Variants in RGS10 observed in about 807,000 individuals in gnomAD.
RGS10 encodes regulator of G protein signaling 10.
A neutral mutation model predicts 23.5 loss-of-function variants in RGS10; 11 were observed. The ratio of observed to expected loss-of-function variants is 0.47; its 90% CI spans 0.29 to 0.77. The LOEUF (loss-of-function observed/expected upper bound fraction) is 0.77, where lower values mean the gene tolerates loss of function less well. Ranked by LOEUF, RGS10 falls within the 30% of genes least tolerant of loss-of-function variation. The pLI is 0.08. For missense variants in RGS10, 180 were observed against 226.3 expected (o/e 0.80, Z 1.31); for synonymous variants, 77 against 83.2 (o/e 0.92, Z 0.41).
At chr10:119,511,843 T>C (rs1844079631) in intron 4 of RGS10, among the ~76,000 whole-genome samples, 1 of 152,110 alleles carries the variant, frequency 6.6e-6, no homozygotes, top group African/African-American at 2.4e-5. Flanking sequence ...GTCATTTCTG[T>C]GTCCTCCCTA....
intron 4 of RGS10, among the ~76,000 whole-genome samples, chr10:119,510,679 A>C (rs1252023956): frequency 6.6e-6 from 1 of 152,182 alleles, no homozygotes; most frequent in African/African-American, 2.4e-5. Context: ...AAACCAGCAG[A>C]CCAACAAGGA....
At chr10:119,514,921 C>G (rs1844124945) in intron 4 of RGS10, among the ~76,000 whole-genome samples, 1 of 152,174 alleles carries the variant, frequency 6.6e-6, no homozygotes, top group Non-Finnish European at 1.5e-5. Flanking sequence ...ATGCGTCCTT[C>G]CGACTGGCTC....
rs551272071 is a variant in RGS10, at chr10:119,538,144, AGAAG to A, written c.49+4442_49+4445del. Among the ~76,000 whole-genome samples the A allele has an allele frequency of 5.1e-4, 77 of 151,872 alleles. 1 individual carries two copies. The highest frequency in any genetic ancestry group is 1.6e-3 in the African/African-American group (66 of 41,484). On this transcript the variant is annotated intron_variant, in intron 1 of 4. Coordinates refer to ENST00000369103, the MANE Select transcript of RGS10 (RefSeq NM_001005339.2). This position sits in a 1 kb window ranked among gnomAD's most constrained non-coding sequence, Gnocchi z 4.5. ...AGGAAGGGAGGGAAGGAGGGAGGGA[AGAAG>A]GAAGGGAGGGAGGGAGTGGAGGAGA... is the stretch of plus-strand genomic sequence containing the variant.
intron 3 of RGS10, among the ~76,000 whole-genome samples, chr10:119,525,011 G>C (rs1166641017): frequency 6.6e-6 from 1 of 151,308 alleles, no homozygotes; most frequent in Non-Finnish European, 1.5e-5. Flanking sequence ...TCAAAAACTG[G>C]CAACGCGCAA....
chr10:119,539,243 G>A lies in RGS10; in HGVS notation c.49+3347C>T, dbSNP rs144205189. On this transcript the variant is annotated intron_variant, in intron 1 of 4. Coordinates refer to ENST00000369103, the MANE Select transcript of RGS10 (RefSeq NM_001005339.2). The stretch of plus-strand genomic sequence containing the variant: ...CAGCTGCCAAGGCTACCCTGCTGCC[G>A]AGTTGTTAAAACAAAGACATTAAAT... 1.6e-3 allele frequency among the ~76,000 whole-genome samples: 241 copies of A among 152,336 alleles called. 5 individuals are homozygous for A. In the East Asian group the frequency reaches 0.04, roughly 25 times the overall value.
In RGS10 at chr10:119,522,986, G is replaced by T. The variant is rs1429453576; in HGVS notation, c.255+3046C>A. 7.3e-5 allele frequency among the ~76,000 whole-genome samples: 11 copies of T among 149,802 alleles called. No homozygotes were observed. In the Admixed American group the frequency reaches 7.4e-4, roughly 10 times the overall value. On this transcript the variant is annotated intron_variant, in intron 3 of 4. Coordinates refer to ENST00000369103, the MANE Select transcript of RGS10 (RefSeq NM_001005339.2). ...TTGACCTCCCTGGGCAACTACAGGC[G>T]CACTCCATCATGTCTAGCTAATTTT... is the stretch of plus-strand genomic sequence containing the variant.
At chr10:119,519,957 C>T (rs1436807109) in intron 3 of RGS10, among the ~76,000 whole-genome samples, 2 of 152,230 alleles carry the variant, frequency 1.3e-5, no homozygotes, top group Admixed American at 6.5e-5. Context: ...GGACATCCCA[C>T]TGACACCTTG....
At chr10:119,506,564 A>G (rs1844015519) in intron 4 of RGS10, among the ~76,000 whole-genome samples, 1 of 152,198 alleles carries the variant, frequency 6.6e-6, no homozygotes, top group Non-Finnish European at 1.5e-5. Context: ...CGTCCACACG[A>G]TTCAAATTCC....
chr10:119,542,503 G>T (rs1006847482), intron 1 of RGS10, 87 bp downstream of exon 1: 21 of 1,200,578 alleles, frequency 1.7e-5, no homozygotes, highest in Non-Finnish European at 2.3e-5. Context: ...CCACCGAGCC[G>T]CGCCCGAGCA....
chr10:119,512,386 T>TA (rs1415711864), intron 4 of RGS10, among the ~76,000 whole-genome samples: 4 of 151,802 alleles, frequency 2.6e-5, no homozygotes. Context: ...TTTTGACAGT[T>TA]ACAGCAAGGC....
intron 3 of RGS10, among the ~76,000 whole-genome samples, chr10:119,523,597 G>A (rs541509034): frequency 3.3e-5 from 5 of 152,224 alleles, no homozygotes; most frequent in South Asian, 4.1e-4. Flanking sequence ...CCCAGGAGGC[G>A]GAGGCTGCAG....
At chr10:119,536,172 GA>G (rs2133961199) in intron 1 of RGS10, among the ~76,000 whole-genome samples, 1 of 152,318 alleles carries the variant, frequency 6.6e-6, no homozygotes, top group East Asian at 1.9e-4. Context: ...CAGTTAGCAG[GA>G]AATAACATCA....
At chr10:119,534,304 TAAAA>T (rs370365968) in intron 1 of RGS10, among the ~76,000 whole-genome samples, 5 of 117,182 alleles carry the variant, frequency 4.3e-5, no homozygotes, top group African/African-American at 1.6e-4. Context: ...AATAAATAAA[TAAAA>T]AAGGCCAGGC....
Position 119,531,851 on chromosome 10 carries a change from G to T in RGS10, c.50-4427C>A, listed in dbSNP as rs577000498. Among the ~76,000 whole-genome samples the T allele has an allele frequency of 3.9e-5, 6 of 152,228 alleles. No individual in the cohort carries two copies. The South Asian group carries it at 1.2e-3, about 32-fold the overall frequency. On this transcript the variant is annotated intron_variant, in intron 1 of 4. Transcript: ENST00000369103. Reference sequence around the variant, plus strand: ...GCCCTTCCATTCCATGGTCTCCTGGGCTAAGATCTCCCTTATATCATATGC... The same window carrying T: ...GCCCTTCCATTCCATGGTCTCCTGGTCTAAGATCTCCCTTATATCATATGC...
At chr10:119,525,419 A>G (rs1025458849) in intron 3 of RGS10, among the ~76,000 whole-genome samples, 2 of 152,164 alleles carry the variant, frequency 1.3e-5, no homozygotes, top group Non-Finnish European at 2.9e-5. Flanking sequence ...TCCTGCAGGC[A>G]TTTAGCCAGC....
intron 1 of RGS10, among the ~76,000 whole-genome samples, chr10:119,536,308 G>T (rs548751245): frequency 6.6e-6 from 1 of 152,152 alleles, no homozygotes; most frequent in East Asian, 1.9e-4. Context: ...ACGAGGGTTC[G>T]GGACTCACAG....
At chr10:119,535,210 G>C (rs1844374882) in intron 1 of RGS10, among the ~76,000 whole-genome samples, 1 of 144,098 alleles carries the variant, frequency 6.9e-6, no homozygotes, top group African/African-American at 2.6e-5. Flanking sequence ...GCCTTTAAGA[G>C]ACCAAGAACA....
rs138695204 is a variant in RGS10, at chr10:119,536,446, G to A, written c.49+6144C>T. On this transcript the variant is annotated intron_variant, in intron 1 of 4. Coordinates refer to ENST00000369103, the MANE Select transcript of RGS10 (RefSeq NM_001005339.2). ...AGGCAAACTGCGGACATGGAAAGGG[G>A]TGGGGGCGATTCCTTACGTTCCATG... 4.0e-4 allele frequency: 651 copies of A among 1,612,286 alleles called. 3 individuals are homozygous for A. The African/African-American group carries it at 7.9e-3, about 20-fold the overall frequency.
chr10:119,508,088 C>G (rs1345526474), intron 4 of RGS10, among the ~76,000 whole-genome samples: 1 of 152,136 alleles, frequency 6.6e-6, no homozygotes, highest in African/African-American at 2.4e-5. Context: ...ACCTCCACCT[C>G]CCGGGTTCAA....
Sources: allele counts gnomAD v4.1 joint callset (sites outside exome capture counted in the v4.1 genomes callset), GRCh38; gene constraint gnomAD v4.1.1; non-coding constraint Gnocchi (gnomAD v3.1); transcripts MANE v1.5; gene names NCBI Gene and HGNC (gene_info 2026-07-23, HGNC 2026-07-21).